The following SNX8 variants were observed in gnomAD, a reference collection of about 807,000 sequenced individuals.
SNX8 encodes sorting nexin 8.
A neutral mutation model predicts 51.6 loss-of-function variants in SNX8; 25 were observed. That is an observed-to-expected ratio of 0.48 (90% confidence interval 0.35 to 0.68). The LOEUF (loss-of-function observed/expected upper bound fraction) is 0.68. Ranked by LOEUF, SNX8 falls within the 30% of genes least tolerant of loss-of-function variation. The probability of loss-of-function intolerance (pLI) is 0.00; values close to 1 mark genes in which losing one functional copy is unlikely to be tolerated. For synonymous variants in SNX8, 324 were observed against 277.0 expected, an observed-to-expected ratio of 1.17 and a Z score of -1.68; for missense variants, 695 against 624.0, an observed-to-expected ratio of 1.11 and a Z score of -1.21.
At chr7:2,255,279 G>C in intron 10 of SNX8, 110 bp from the exon 11 acceptor site, 1 of 681,974 alleles carries the variant, frequency 1.5e-6, no homozygotes, top group Non-Finnish European at 2.4e-6. Flanking sequence ...GGGCCCTCAG[G>C]TGCGCCAGCT....
In SNX8 at chr7:2,257,352, C is replaced by T. The variant is rs563892089; in HGVS notation, c.1134+13G>A. 41 of 1,600,606 alleles carry T rather than the reference C, an allele frequency of 2.6e-5. No individual in the cohort carries two copies. The highest frequency in any genetic ancestry group is 5.1e-6 in the Non-Finnish European group (6 of 1,177,918). Reference sequence around the variant, plus strand: ...AGGCTCCCACGGGCCTGCTCGGCCGCCCCGCCACCCACCTCCACAATGCGG... The same window carrying T: ...AGGCTCCCACGGGCCTGCTCGGCCGTCCCGCCACCCACCTCCACAATGCGG... On this transcript the variant is annotated intron_variant, in intron 9 of 10. Coordinates refer to ENST00000222990, the MANE Select transcript of SNX8 (RefSeq NM_013321.4).
chr7:2,280,308 A>C (rs1228714082), intron 1 of SNX8, among the ~76,000 whole-genome samples: 1 of 152,178 alleles, frequency 6.6e-6, no homozygotes, highest in Non-Finnish European at 1.5e-5. Context: ...TAAATAGAAA[A>C]AAAAGTGTTT....
chr7:2,341,391 C>T lies in SNX8; in HGVS notation c.-66+12831G>A, dbSNP rs564911825. 3.3e-5 allele frequency among the ~76,000 whole-genome samples: 5 copies of T among 151,332 alleles called. No individual in the cohort carries two copies. The South Asian group carries it at 1.0e-3, about 32-fold the overall frequency. ...GCAGGTGCCTGTAATCCCAGCTACT[C>T]GGGAGGCTGAGGCAGGAGAATCGCT... On this transcript the variant is annotated intron_variant, in intron 1 of 5. Transcript: ENST00000435336.
chr7:2,322,083 G>C (rs1046036017), intron 1 of SNX8, among the ~76,000 whole-genome samples: 2 of 152,164 alleles, frequency 1.3e-5, no homozygotes, highest in African/African-American at 2.4e-5. Context: ...TATCACGATG[G>C]TTAATCTGTT....
At chr7:2,281,732 T>C (rs901342492) in intron 1 of SNX8, among the ~76,000 whole-genome samples, 12 of 152,104 alleles carry the variant, frequency 7.9e-5, no homozygotes, top group African/African-American at 2.9e-4. Flanking sequence ...CAGGATGGGA[T>C]CTGGCTCAGA....
At chr7:2,343,626 C>A (rs1399822020) in intron 1 of SNX8, among the ~76,000 whole-genome samples, 1 of 151,904 alleles carries the variant, frequency 6.6e-6, no homozygotes, top group African/African-American at 2.4e-5. Flanking sequence ...AGTGAGCCAA[C>A]ATGGTGCCAC....
At position 2,263,356 on chromosome 7, in the gene SNX8, T is replaced by C. The variant is rs141381758; in HGVS notation, c.789A>G (p.Ile263Met). 137 of 1,599,728 alleles carry C rather than the reference T, an allele frequency of 8.6e-5. No homozygotes were observed. Among genetic ancestry groups the C allele is most frequent in the Non-Finnish European group, 9.1e-5 (107 of 1,173,326 alleles). Residue 263 changes from isoleucine (I) to methionine (M), a missense_variant, in exon 7 of 11, where the codon ATA becomes ATG. By Grantham distance (10) the Ile-to-Met change is conservative. Transcript: ENST00000222990. ...LLIFGKELSAIGSDTTPLPSW... is the reference protein window; with the variant it reads ...LLIFGKELSAMGSDTTPLPSW... ...AGGGCAGCGGGGTCGTGTCAGACCC[T>C]ATTGCACTGAGGGAGCAAGCACACA...
At chr7:2,304,640 G>C (rs1796506946) in intron 1 of SNX8, among the ~76,000 whole-genome samples, 1 of 152,094 alleles carries the variant, frequency 6.6e-6, no homozygotes, top group Non-Finnish European at 1.5e-5. Flanking sequence ...ACGCCCATTT[G>C]CACATAACAC....
intron 1 of SNX8, among the ~76,000 whole-genome samples, chr7:2,327,268 C>G (rs571915687): frequency 6.6e-6 from 1 of 152,222 alleles, no homozygotes; most frequent in Admixed American, 6.6e-5. Context: ...GAGACAGAGT[C>G]TGGCTCTGTT....
chr7:2,258,892 T>C (rs116031676), intron 7 of SNX8, among the ~76,000 whole-genome samples: 4,532 of 152,050 alleles, frequency 0.03, 216 homozygotes, highest in African/African-American at 0.1. Context: ...AGGGGCCCCA[T>C]CACGGCAGAG....
At chr7:2,313,260 TCACGCCTGTAATCCCAG>T (rs1253990611) in intron 1 of SNX8, among the ~76,000 whole-genome samples, 1 of 151,810 alleles carries the variant, frequency 6.6e-6, no homozygotes, top group African/African-American at 2.4e-5. Flanking sequence ...GCGCGGTGGC[TCACGCCTGTAATCCCAG>T]CACTCTGGGA....
intron 1 of SNX8, among the ~76,000 whole-genome samples, chr7:2,305,048 G>T (rs57019360): frequency 3.3e-5 from 5 of 152,148 alleles, no homozygotes; most frequent in Admixed American, 3.3e-4. Flanking sequence ...TGCAGACGCC[G>T]GAGGGTCTGG....
chr7:2,276,358 C>T (rs1280337926), intron 2 of SNX8, among the ~76,000 whole-genome samples: 2 of 152,222 alleles, frequency 1.3e-5, no homozygotes, highest in Admixed American at 6.5e-5. Context: ...GACAGCAAGG[C>T]GGCTCTGACA....
chr7:2,338,414 A>G (rs1778868581), intron 1 of SNX8, among the ~76,000 whole-genome samples: 1 of 151,924 alleles, frequency 6.6e-6, no homozygotes, highest in Non-Finnish European at 1.5e-5. Context: ...GTGAGCCGAA[A>G]TCATGCCACT....
In SNX8 at chr7:2,255,047, C is replaced by A; in HGVS notation, c.*9G>T. On this transcript the variant is annotated 3_prime_UTR_variant, in exon 11 of 11. Transcript: ENST00000222990. ...GCGGCCGCAGGGAGCACCACCTCAG[C>A]CTCAGGCGCTAGTGAGGACACAGGC... is the stretch of plus-strand genomic sequence containing the variant. 1 of 1,538,476 alleles carries A rather than the reference C, an allele frequency of 6.5e-7. No individual in the cohort carries two copies. The highest frequency in any genetic ancestry group is 2.4e-5 in the East Asian group (1 of 41,466).
intron 1 of SNX8, among the ~76,000 whole-genome samples, chr7:2,345,633 G>A (rs1253317154): frequency 5.3e-5 from 8 of 151,310 alleles, no homozygotes; most frequent in South Asian, 2.1e-4. Context: ...AGCCAAGATC[G>A]TGCCACTACA....
chr7:2,345,477 A>G (rs1307034684), intron 1 of SNX8, among the ~76,000 whole-genome samples: 1 of 152,128 alleles, frequency 6.6e-6, no homozygotes, highest in African/African-American at 2.4e-5. Flanking sequence ...CAGGAGTTCA[A>G]GACCAGCCTG....
chr7:2,309,661 G>A (rs1796621140), intron 1 of SNX8: 1 of 393,526 alleles, frequency 2.5e-6, no homozygotes, highest in Non-Finnish European at 5.2e-6. Context: ...AACCCGGGAG[G>A]AGGAGGTTGC....
chr7:2,342,891 C>T (rs1022843981), intron 1 of SNX8, among the ~76,000 whole-genome samples: 4 of 151,812 alleles, frequency 2.6e-5, no homozygotes, highest in Non-Finnish European at 5.9e-5. Context: ...GGCATGATCT[C>T]GGCTCGCTGC....
Sources: allele counts gnomAD v4.1 joint callset (sites outside exome capture counted in the v4.1 genomes callset), GRCh38; gene constraint gnomAD v4.1.1; transcripts MANE v1.5; gene names NCBI Gene and HGNC (gene_info 2026-07-23, HGNC 2026-07-21).